Variants in THADA observed in about 807,000 individuals in gnomAD.
THADA encodes THADA armadillo repeat containing.
Under a neutral mutation model 219.8 loss-of-function variants are expected in THADA, and 213 were observed. That is an observed-to-expected ratio of 0.97 (90% CI 0.87 to 1.09). The LOEUF is 1.09. THADA is among the 50% of genes least tolerant of loss of function. The pLI is 0.00. For missense variants in THADA, 2,956 were observed against 2,311.3 expected (o/e 1.28, Z -5.72); for synonymous variants, 1,018 against 828.9 (o/e 1.23, Z -3.92).
intron 26 of THADA, among the ~76,000 whole-genome samples, chr2:43,461,295 T>C (rs1229852300): frequency 6.6e-6 from 1 of 152,164 alleles, no homozygotes; most frequent in Non-Finnish European, 1.5e-5. Context: ...CCAACACATT[T>C]TCATAGATAT....
At chr2:43,442,656 G>A (rs1350029919) in intron 26 of THADA, among the ~76,000 whole-genome samples, 6 of 152,052 alleles carry the variant, frequency 3.9e-5, no homozygotes, top group Admixed American at 1.3e-4. Context: ...GCTGTCTTAT[G>A]GGCTTTGACA....
At chr2:43,256,331 G>C (rs796492289) in intron 36 of THADA, among the ~76,000 whole-genome samples, 1 of 152,066 alleles carries the variant, frequency 6.6e-6, no homozygotes, top group Non-Finnish European at 1.5e-5. Context: ...GCAGCACAGC[G>C]AGACCTTGTC....
intron 29 of THADA, among the ~76,000 whole-genome samples, chr2:43,382,338 C>G (rs1672143513): frequency 6.6e-6 from 1 of 152,184 alleles, no homozygotes; most frequent in Non-Finnish European, 1.5e-5. Flanking sequence ...TGTACAGAAA[C>G]TTTCTGTACT....
At chr2:43,580,703 C>T (rs965004879) in intron 8 of THADA, among the ~76,000 whole-genome samples, 3 of 151,062 alleles carry the variant, frequency 2.0e-5, no homozygotes, top group African/African-American at 7.3e-5. Flanking sequence ...GGTGAAAGCC[C>T]GTCTATATTA....
In THADA at chr2:43,566,529, T is replaced by G. The variant is rs771503864; in HGVS notation, c.2311+169A>C. 5.0e-6 allele frequency: 4 copies of G among 795,996 alleles called. No homozygotes were observed. The African/African-American group carries it at 6.8e-5, about 14-fold the overall frequency. The allele number at this position is 795,996 out of a possible 1,614,324, so 49.3% of individuals were successfully genotyped here. On this transcript the variant is annotated intron_variant, in intron 15 of 37. Transcript: ENST00000405975. ...TGAAAAGGGAGATAGTTTCTTCCTCTTCTGTCCTTTACTAGCAAATTTCAT... is the reference window on the plus strand; with the variant it reads ...TGAAAAGGGAGATAGTTTCTTCCTCGTCTGTCCTTTACTAGCAAATTTCAT...
intron 36 of THADA, among the ~76,000 whole-genome samples, chr2:43,247,010 A>G (rs908385259): frequency 3.3e-5 from 5 of 152,220 alleles, no homozygotes; most frequent in African/African-American, 1.2e-4. Context: ...TGGGCCAACT[A>G]AAAAGGAGGA....
chr2:43,324,466 A>C (rs1457255380), intron 30 of THADA, among the ~76,000 whole-genome samples: 1 of 152,192 alleles, frequency 6.6e-6, no homozygotes, highest in Non-Finnish European at 1.5e-5. Context: ...AAAGGAGTCC[A>C]TCCATGGCTT....
chr2:43,240,233 T>C (rs1418662211), intron 36 of THADA, among the ~76,000 whole-genome samples: 1 of 152,084 alleles, frequency 6.6e-6, no homozygotes, highest in African/African-American at 2.4e-5. Flanking sequence ...AAGGGAGGAC[T>C]GGAGGCGAGG....
At chr2:43,466,781 A>G (rs997658297) in intron 26 of THADA, among the ~76,000 whole-genome samples, 2 of 152,222 alleles carry the variant, frequency 1.3e-5, no homozygotes, top group Non-Finnish European at 2.9e-5. Flanking sequence ...CTGAGGCAGA[A>G]AGCATAAATA....
chr2:43,324,149 A>G (rs535546610), intron 30 of THADA, among the ~76,000 whole-genome samples: 56 of 152,308 alleles, frequency 3.7e-4, no homozygotes, highest in African/African-American at 1.3e-3. Context: ...TTTGACTTTC[A>G]AGTCTGATGA....
intron 29 of THADA, among the ~76,000 whole-genome samples, chr2:43,349,406 C>T (rs891391709): frequency 1.4e-4 from 21 of 152,170 alleles, no homozygotes; most frequent in African/African-American, 4.6e-4. Context: ...TGAATAAATG[C>T]CATGGGCCTA....
At chr2:43,526,349 T>A (rs949563136) in intron 22 of THADA, among the ~76,000 whole-genome samples, 1 of 152,206 alleles carries the variant, frequency 6.6e-6, no homozygotes, top group African/African-American at 2.4e-5. Context: ...CAAGACACTA[T>A]AATTTGGCCT....
intron 8 of THADA, among the ~76,000 whole-genome samples, chr2:43,579,361 T>C (rs1209808174): frequency 6.6e-6 from 1 of 152,214 alleles, no homozygotes; most frequent in Admixed American, 6.5e-5. Flanking sequence ...TAAGTGCTAA[T>C]TACAAACTTT....
chr2:43,336,791 C>A (rs1216331373), intron 30 of THADA, among the ~76,000 whole-genome samples: 1 of 152,242 alleles, frequency 6.6e-6, no homozygotes. Context: ...ATCAGCCAAT[C>A]TGCTACTTAA....
At chr2:43,485,423 C>T (rs553439503) in intron 25 of THADA, 98 bp from the exon 26 acceptor site, 400 of 835,732 alleles carry the variant, frequency 4.8e-4, no homozygotes, top group Middle Eastern at 4.9e-4. Context: ...CATTACCTAA[C>T]TGGCTAGTGT....
intron 36 of THADA, among the ~76,000 whole-genome samples, chr2:43,265,103 C>T (rs142607114): frequency 7.2e-5 from 11 of 152,274 alleles, no homozygotes; most frequent in African/African-American, 2.4e-4. Context: ...TTCTCAGAGT[C>T]GAATTTAAAA....
At chr2:43,443,906 TACCAACAAG>T (rs1681181789) in intron 26 of THADA, among the ~76,000 whole-genome samples, 1 of 152,096 alleles carries the variant, frequency 6.6e-6, no homozygotes, top group Admixed American at 6.5e-5. Flanking sequence ...CGGTAACCTC[TACCAACAAG>T]GCAACCCTTG....
intron 26 of THADA, among the ~76,000 whole-genome samples, chr2:43,466,806 T>C (rs1168534192): frequency 1.3e-5 from 2 of 152,162 alleles, no homozygotes; most frequent in Non-Finnish European, 2.9e-5. Flanking sequence ...TCATTATTCC[T>C]CCAATATGAC....
intron 29 of THADA, among the ~76,000 whole-genome samples, chr2:43,379,841 A>C (rs1281360547): frequency 6.6e-6 from 1 of 152,254 alleles, no homozygotes; most frequent in African/African-American, 2.4e-5. Flanking sequence ...TATCCATAAA[A>C]TGAAACAGTA....
Sources: allele counts gnomAD v4.1 joint callset (sites outside exome capture counted in the v4.1 genomes callset), GRCh38; gene constraint gnomAD v4.1.1; transcripts MANE v1.5; gene names NCBI Gene and HGNC (gene_info 2026-07-23, HGNC 2026-07-21).